The following COL11A1 variants were observed in gnomAD, a reference collection of about 807,000 sequenced individuals.
COL11A1 encodes the protein collagen type XI alpha 1 chain, also known as collagen alpha-1(XI) chain.
Under a neutral mutation model 265.2 loss-of-function variants are expected in COL11A1, and 74 were observed. That is an observed-to-expected ratio of 0.28 (90% CI 0.23 to 0.34). The LOEUF (loss-of-function observed/expected upper bound fraction) is 0.34, where lower values mean the gene tolerates loss of function less well. COL11A1 is among the 10% of genes least tolerant of loss of function. COL11A1 has a pLI of 1.00. For synonymous variants in COL11A1, 816 were observed against 727.6 expected, an observed-to-expected ratio of 1.12 and a Z score of -1.96; for missense variants, 2,165 against 2,263.6, an observed-to-expected ratio of 0.96 and a Z score of 0.88.
intron 47 of COL11A1, 54 bp from the exon 48 acceptor site, chr1:102,921,625 A>C (rs1656000263): frequency 7.0e-7 from 1 of 1,422,064 alleles, no homozygotes; most frequent in African/African-American, 1.4e-5. Context: ...TGTGTTTCCA[A>C]CATTTTCATT....
chr1:103,040,814 A>G (rs80174154), intron 4 of COL11A1, among the ~76,000 whole-genome samples: 12,236 of 151,560 alleles, frequency 0.081, 554 homozygotes, highest in Middle Eastern at 0.15. Flanking sequence ...AACTTTTATC[A>G]TACATTTTAC....
intron 4 of COL11A1, among the ~76,000 whole-genome samples, chr1:103,065,170 C>T (rs184640191): frequency 0.024 from 1,398 of 58,034 alleles, 13 homozygotes; most frequent in South Asian, 0.036. Flanking sequence ...ACTCCCCGTC[C>T]TTTCTGCTCA....
At chr1:102,888,488 C>G in intron 62 of COL11A1, 89 bp downstream of exon 62, 1 of 1,279,264 alleles carries the variant, frequency 7.8e-7, no homozygotes, top group Non-Finnish European at 1.1e-6. Context: ...GCAGAATGTG[C>G]TTTTTGTCTA....
rs531931966 is a variant in COL11A1, at chr1:103,053,667, G to C, written c.651+20951C>G. The stretch of plus-strand genomic sequence containing the variant: ...ACTCTCAAAAAAGAATTACATCAAA[G>C]TTGTGGCTCTGTCTACTCTTATACA... On this transcript the variant is annotated intron_variant, in intron 4 of 66. Transcript: ENST00000370096. Among the ~76,000 whole-genome samples the C allele has an allele frequency of 6.5e-4, 99 of 152,262 alleles. 1 individual carries two copies. The highest frequency in any genetic ancestry group is 2.4e-3 in the African/African-American group (98 of 41,564).
At chr1:103,047,349 A>G (rs568847800) in intron 4 of COL11A1, among the ~76,000 whole-genome samples, 2 of 152,118 alleles carry the variant, frequency 1.3e-5, no homozygotes, top group South Asian at 4.1e-4. Context: ...ATTCCTAGGT[A>G]TTTTATTCTC....
intron 54 of COL11A1, among the ~76,000 whole-genome samples, chr1:102,904,238 G>A (rs1265320211): frequency 1.3e-5 from 2 of 152,146 alleles, no homozygotes; most frequent in Non-Finnish European, 2.9e-5. Context: ...ATGGATTAAA[G>A]ACTTAAATGT....
intron 41 of COL11A1, among the ~76,000 whole-genome samples, chr1:102,951,697 G>A (rs528282200): frequency 5.9e-5 from 9 of 152,080 alleles, no homozygotes; most frequent in South Asian, 4.1e-4. Flanking sequence ...CCGATATCGC[G>A]CCACTGCACT....
intron 43 of COL11A1, 91 bp from the exon 44 acceptor site, chr1:102,939,179 A>G (rs769215340): frequency 8.6e-5 from 98 of 1,137,596 alleles, no homozygotes; most frequent in Non-Finnish European, 1.2e-4. Context: ...TACCTTTAAT[A>G]TAATTACATG....
chr1:103,084,223 C>T (rs571707769), intron 1 of COL11A1, among the ~76,000 whole-genome samples: 31 of 152,178 alleles, frequency 2.0e-4, no homozygotes, highest in African/African-American at 7.2e-4. Context: ...AACTTCATCA[C>T]CATTATGCAA....
chr1:103,002,569 C>A, intron 22 of COL11A1, 88 bp from the exon 23 acceptor site: 9 of 1,221,072 alleles, frequency 7.4e-6, no homozygotes, highest in Non-Finnish European at 1.1e-5. Context: ...CCTCTACCCA[C>A]CCTCAAACAG....
intron 1 of COL11A1, among the ~76,000 whole-genome samples, chr1:103,092,006 C>T (rs1392283809): frequency 1.3e-5 from 2 of 151,976 alleles, no homozygotes; most frequent in African/African-American, 2.4e-5. Flanking sequence ...CAGGAAAATT[C>T]CAGTTTAAAA....
chr1:103,024,651 T>C (rs932740742), intron 7 of COL11A1, among the ~76,000 whole-genome samples: 1 of 151,296 alleles, frequency 6.6e-6, no homozygotes, highest in Non-Finnish European at 1.5e-5. Flanking sequence ...ACATCTTGAA[T>C]CAAAATACTC....
chr1:103,028,653 A>C (rs893867269), intron 5 of COL11A1, among the ~76,000 whole-genome samples: 1 of 152,192 alleles, frequency 6.6e-6, no homozygotes, highest in East Asian at 1.9e-4. Context: ...GTTAGGAGAA[A>C]GGATCTTCCA....
chr1:102,893,037 A>G (rs1038896153), intron 57 of COL11A1, among the ~76,000 whole-genome samples: 1 of 152,200 alleles, frequency 6.6e-6, no homozygotes, highest in African/African-American at 2.4e-5. Flanking sequence ...TTTCAAGTAT[A>G]TAGTTATCTC....
In COL11A1 at chr1:102,943,175, T is replaced by C. The variant is rs577669575; in HGVS notation, c.3277-2741A>G. ...GAGGCAACGCATTCAATCTTATTAGTACTTCCACCTATGGCTCATTTTTCT... is the reference window on the plus strand; with the variant it reads ...GAGGCAACGCATTCAATCTTATTAGCACTTCCACCTATGGCTCATTTTTCT... On this transcript the variant is annotated intron_variant, in intron 42 of 66. Transcript: ENST00000370096. 4.6e-5 allele frequency among the ~76,000 whole-genome samples: 7 copies of C among 152,198 alleles called. No homozygotes were observed. The Middle Eastern group carries it at 0.014, about 296-fold the overall frequency.
chr1:103,066,279 T>C (rs1390934290), intron 4 of COL11A1, among the ~76,000 whole-genome samples: 4 of 151,900 alleles, frequency 2.6e-5, no homozygotes, highest in Non-Finnish European at 5.9e-5. Context: ...AAATATACGA[T>C]TATTTAAAGC....
intron 42 of COL11A1, among the ~76,000 whole-genome samples, chr1:102,943,463 AC>A (rs1570809329): frequency 1.0e-5 from 1 of 96,812 alleles, no homozygotes; most frequent in East Asian, 2.5e-4. Flanking sequence ...ACACACACAC[AC>A]ACACACACAC....
intron 5 of COL11A1, among the ~76,000 whole-genome samples, chr1:103,028,061 G>T (rs1300737029): frequency 2.0e-5 from 3 of 151,922 alleles, no homozygotes; most frequent in African/African-American, 2.4e-5. Context: ...ATGGAGTCGC[G>T]CTCTGTCGCC....
At chr1:102,933,377 G>A (rs1254131827) in intron 46 of COL11A1, among the ~76,000 whole-genome samples, 3 of 146,154 alleles carry the variant, frequency 2.1e-5, no homozygotes, top group Non-Finnish European at 4.5e-5. Context: ...TGCCCCTGCT[G>A]GGGGGTGCCT....
Sources: allele counts gnomAD v4.1 joint callset (sites outside exome capture counted in the v4.1 genomes callset), GRCh38; gene constraint gnomAD v4.1.1; transcripts MANE v1.5; gene names NCBI Gene and HGNC (gene_info 2026-07-23, HGNC 2026-07-21).